The following IQCK variants were observed in gnomAD, a reference collection of about 807,000 sequenced individuals.
The protein encoded by IQCK is IQ domain-containing protein K.
Under a neutral mutation model 28.1 loss-of-function variants are expected in IQCK, and 29 were observed. That is an observed-to-expected ratio of 1.03 (90% CI 0.77 to 1.41). The LOEUF (loss-of-function observed/expected upper bound fraction) is 1.41. Among genes scored for constraint, IQCK ranks in the 40% most tolerant of loss-of-function variants. The pLI, the probability that IQCK is intolerant of heterozygous loss-of-function variation, is 0.00. For synonymous variants in IQCK, 113 were observed against 115.1 expected (o/e 0.98, Z 0.12); for missense variants, 359 against 314.7 (o/e 1.14, Z -1.07).
intron 6 of IQCK, among the ~76,000 whole-genome samples, chr16:19,782,622 T>C (rs1170200279): frequency 6.6e-6 from 1 of 151,302 alleles, no homozygotes; most frequent in Admixed American, 6.6e-5. Context: ...AGCAAGACCC[T>C]GTCAAAAAAA....
At chr16:19,852,619 C>CTTTT (rs768835414) in intron 9 of IQCK, among the ~76,000 whole-genome samples, 9 of 135,292 alleles carry the variant, frequency 6.7e-5, no homozygotes, top group African/African-American at 1.1e-4. Flanking sequence ...TTTCCTTCAA[C>CTTTT]TTTTTTTTTT....
At chr16:19,858,232 C>A (rs1315250793) in exon 10 of IQCK, 2 of 364,182 alleles carry the variant, frequency 5.5e-6, no homozygotes, top group Middle Eastern at 1.4e-3. Flanking sequence ...CTCCCGCCTC[C>A]GCCCCCATTA....
intron 9 of IQCK, among the ~76,000 whole-genome samples, chr16:19,854,659 C>T (rs993707577): frequency 5.9e-5 from 9 of 152,228 alleles, no homozygotes; most frequent in Non-Finnish European, 1.2e-4. Flanking sequence ...CAGCCCCGCT[C>T]CATCTGACTG....
chr16:19,733,754 G>C (rs769969486), exon 3 of IQCK: 80 of 1,613,980 alleles, frequency 5.0e-5, no homozygotes, highest in Admixed American at 6.7e-5. Context: ...ACTATTTTCC[G>C]GTTTCCCATT....
At chr16:19,853,743 C>G (rs1294972212) in intron 9 of IQCK, among the ~76,000 whole-genome samples, 2 of 152,350 alleles carry the variant, frequency 1.3e-5, no homozygotes, top group East Asian at 1.9e-4. Flanking sequence ...ATTCTCCTGC[C>G]TCAGGCTCCC....
intron 4 of IQCK, among the ~76,000 whole-genome samples, chr16:19,758,107 G>C (rs1259040620): frequency 6.6e-6 from 1 of 152,138 alleles, no homozygotes; most frequent in African/African-American, 2.4e-5. Context: ...CAAGGACTCA[G>C]TGTATTTGCC....
chr16:19,731,584 A>G (rs748997840), intron 2 of IQCK, among the ~76,000 whole-genome samples: 34 of 152,176 alleles, frequency 2.2e-4, no homozygotes, highest in Non-Finnish European at 4.1e-4. Flanking sequence ...TTCTGACAAT[A>G]TATGTTGATC....
chr16:19,799,721 C>T (rs972942764), intron 7 of IQCK, among the ~76,000 whole-genome samples: 1 of 82,348 alleles, frequency 1.2e-5, no homozygotes, highest in African/African-American at 7.9e-5. Flanking sequence ...CAGTGAAAAA[C>T]ATTATTGTTC....
At chr16:19,741,413 A>G (rs1234792083) in intron 4 of IQCK, among the ~76,000 whole-genome samples, 1 of 152,224 alleles carries the variant, frequency 6.6e-6, no homozygotes, top group African/African-American at 2.4e-5. Context: ...ATATTTGACC[A>G]TAAATAATTT....
intron 6 of IQCK, among the ~76,000 whole-genome samples, chr16:19,780,980 C>T (rs543803606): frequency 5.9e-4 from 90 of 152,094 alleles, no homozygotes; most frequent in African/African-American, 2.0e-3. Context: ...GAATCCAAAC[C>T]GCCAAAGTAG....
chr16:19,786,394 T>C (rs2055562126), intron 6 of IQCK, among the ~76,000 whole-genome samples: 1 of 149,274 alleles, frequency 6.7e-6, no homozygotes, highest in Non-Finnish European at 1.5e-5. Context: ...TTTAAGAAAA[T>C]TTACTTAAAA....
At chr16:19,819,220 TG>T (rs762186255) in intron 7 of IQCK, among the ~76,000 whole-genome samples, 3 of 152,062 alleles carry the variant, frequency 2.0e-5, no homozygotes, top group Admixed American at 6.6e-5. Flanking sequence ...GGGCTGGGTG[TG>T]TTGTCTCACG....
At chr16:19,718,415 C>T in exon 1 of IQCK, 2 of 1,606,076 alleles carry the variant, frequency 1.2e-6, no homozygotes, top group Non-Finnish European at 1.7e-6. Flanking sequence ...TCTCGCGTCC[C>T]GCGAGCTGCC....
chr16:19,780,369 C>G (rs1353687962), intron 6 of IQCK, among the ~76,000 whole-genome samples: 1 of 152,058 alleles, frequency 6.6e-6, no homozygotes, highest in East Asian at 1.9e-4. Context: ...TTTATAGAGA[C>G]AGTGTTGCCC....
intron 4 of IQCK, chr16:19,762,094 A>G (rs1381340105): frequency 2.0e-5 from 3 of 152,576 alleles, no homozygotes; most frequent in African/African-American, 7.2e-5. Flanking sequence ...AGAGGTCCCT[A>G]GAATATGTCT....
intron 4 of IQCK, among the ~76,000 whole-genome samples, chr16:19,762,211 A>C (rs1041968100): frequency 2.0e-5 from 3 of 152,172 alleles, no homozygotes; most frequent in African/African-American, 7.2e-5. Context: ...GGAAGCAATC[A>C]AGTTTCTGTT....
chr16:19,838,114 G>A lies in IQCK; in HGVS notation c.802+10977G>A, dbSNP rs2056319617. ...CTGCCTCCCAGGCAAGAGGCCTGCT[G>A]TCTGGGCGAATCTAAACCTTGAAAA... On this transcript the variant is annotated intron_variant, in intron 9 of 9. Transcript: ENST00000320394. Among the ~76,000 whole-genome samples, 2 of 152,256 alleles carry A rather than the reference G, an allele frequency of 1.3e-5. 1 individual carries two copies. The highest frequency in any genetic ancestry group is 4.1e-4 in the South Asian group (2 of 4,836).
chr16:19,761,452 A>C, intron 4 of IQCK: 1 of 453,760 alleles, frequency 2.2e-6, no homozygotes, highest in South Asian at 1.6e-5. Context: ...GTGGATCTGG[A>C]TGGGCAAAGA....
At chr16:19,804,431 GT>G (rs369289581) in intron 7 of IQCK, among the ~76,000 whole-genome samples, 4 of 151,642 alleles carry the variant, frequency 2.6e-5, no homozygotes, top group Non-Finnish European at 2.9e-5. Flanking sequence ...GTGTGTGGTG[GT>G]TTTTTTTGTT....
Sources: gnomAD v4.1 joint callset for allele counts (sites outside exome capture counted in the v4.1 genomes callset) on GRCh38, gnomAD v4.1.1 for gene constraint, MANE v1.5 for transcripts, NCBI Gene and HGNC (gene_info 2026-07-23, HGNC 2026-07-21) for gene names.